The following WNT10B variants were observed in gnomAD, a reference collection of about 807,000 sequenced individuals.
WNT10B encodes the protein Wnt family member 10B, also known as protein Wnt-10b.
WNT10B carries 26 observed loss-of-function variants against 32.7 expected under a neutral mutation model. That is an observed-to-expected ratio of 0.79 (90% CI 0.58 to 1.10). The LOEUF is 1.10. Ranked by LOEUF, WNT10B falls within the 50% of genes least tolerant of loss-of-function variation. The pLI, the probability that WNT10B is intolerant of heterozygous loss-of-function variation, is 0.00. For missense variants in WNT10B, 474 were observed against 532.5 expected (o/e 0.89, Z 1.08); for synonymous variants, 204 against 220.4 (o/e 0.93, Z 0.66).
chr12:48,966,408 T>C lies in WNT10B; in HGVS notation c.857A>G (p.Asp286Gly). 1 of 1,614,002 alleles carries C rather than the reference T, an allele frequency of 6.2e-7. No homozygotes were observed. The highest frequency in any genetic ancestry group is 8.5e-7 in the Non-Finnish European group (1 of 1,180,034). ...GGCTCCAGAATTGCGGTTGTGGGTA[T>C]CAATGAAGATGGCCCGGCCCAGCCG... The part of the protein sequence containing the change: ...RERLGRAIFI[D>G]THNRNSGAFQ... The change falls in exon 5 of 5, where the codon GAT (aspartate) becomes GGT (glycine). Residue 286 changes from aspartate to glycine, a missense_variant. By Grantham distance (94) the Asp-to-Gly change is moderately conservative. Transcript: ENST00000301061.
Position 48,965,926 on chromosome 12 carries a change from T to A in WNT10B, c.*169A>T. On this transcript the variant is annotated 3_prime_UTR_variant, in exon 5 of 5. Transcript: ENST00000301061. Reference sequence around the variant, plus strand: ...ACCCTCCAATTGTTGGGGAGAAGGCTACACATCCCAGAGTCCACCTGACCC... The same window carrying A: ...ACCCTCCAATTGTTGGGGAGAAGGCAACACATCCCAGAGTCCACCTGACCC... 1.3e-6 allele frequency: 1 copy of A among 752,854 alleles called. No homozygotes were observed. Among genetic ancestry groups the A allele is most frequent in the Non-Finnish European group, 2.2e-6 (1 of 461,966 alleles). The allele number at this position is 752,854 out of a possible 1,614,324, so 46.6% of individuals were successfully genotyped here.
Position 48,968,284 on chromosome 12 carries a change from C to T in WNT10B, c.373G>A (p.Ala125Thr). 1 of 1,604,618 alleles carries T rather than the reference C, an allele frequency of 6.2e-7. No individual in the cohort carries two copies. Among genetic ancestry groups the T allele is most frequent in the East Asian group, 2.2e-5 (1 of 44,892 alleles). Residue 125 changes from alanine (A) to threonine (T), a missense_variant, in exon 4 of 5, where the codon GCT becomes ACT. Transcript: ENST00000301061. ...RESAFSFSML[A>T]AGVMHAVATA... ...GCTACTGCGTGCATGACCCCAGCAGCCAGCATGGAGAAGGAAAAAGCACTT... is the reference window on the plus strand; with the variant it reads ...GCTACTGCGTGCATGACCCCAGCAGTCAGCATGGAGAAGGAAAAAGCACTT...
chr12:48,968,214 C>T lies in WNT10B; in HGVS notation c.443G>A (p.Trp148Ter), dbSNP rs761716986. 2.5e-6 allele frequency: 4 copies of T among 1,613,040 alleles called. No homozygotes were observed. In the Admixed American group the frequency reaches 6.7e-5, roughly 27 times the overall value. ...LGKLVSCGCG[W>*]KGSGEQDRLR... is the part of the protein sequence containing the mutation. ...CCGATCCTGCTCACCACTGCCCTTC[C>T]AGCCACAGCCACAGCTCACCAGCTT... The change falls in exon 4 of 5, where the codon TGG becomes TAG. Residue 148 changes from tryptophan (W) to a stop codon, truncating the protein, a stop_gained. Transcript: ENST00000301061. LOFTEE classifies it high-confidence loss of function.
In WNT10B at chr12:48,970,026, G is replaced by T; in HGVS notation, c.337+63C>A. ...AAACCATCCCTTCCCGCCTCCGCGC[G>T]CCTCGCCCTGCCGCCCACCCCCTAG... On this transcript the variant is annotated intron_variant, in intron 3 of 4. Coordinates refer to ENST00000301061, the MANE Select transcript of WNT10B (RefSeq NM_003394.4). The surrounding 1 kb of genome is among the most constrained non-coding windows in gnomAD (Gnocchi z 5.0). 1.4e-6 allele frequency: 2 copies of T among 1,389,572 alleles called. No individual in the cohort carries two copies. Among genetic ancestry groups the T allele is most frequent in the Non-Finnish European group, 1.9e-6 (2 of 1,078,964 alleles). The allele number at this position is 1,389,572 out of a possible 1,614,324, so 86.1% of individuals were successfully genotyped here.
rs781309038 is a variant in WNT10B at position 48,970,523 on chromosome 12, C to G, written c.7G>C (p.Glu3Gln). ...GGCGGAGGCCGCGGCCGGGGCTCCT[C>G]CAGCATGTCGAAGCCCGGAGGCTCC... ML[E>Q]EPRPRPPPSG... Residue 3 changes from glutamate to glutamine, a missense_variant, in exon 2 of 5, where the codon GAG becomes CAG. Physicochemically the swap from Glu to Gln is conservative, Grantham distance 29 (BLOSUM62 2). Coordinates refer to ENST00000301061, the MANE Select transcript of WNT10B (RefSeq NM_003394.4). This position sits in a 1 kb window ranked among gnomAD's most constrained non-coding sequence, Gnocchi z 5.0. 5 of 1,581,008 alleles carry G rather than the reference C, an allele frequency of 3.2e-6. No individual in the cohort carries two copies. The highest frequency in any genetic ancestry group is 4.3e-6 in the Non-Finnish European group (5 of 1,163,622).
rs1940727218 is a variant in WNT10B, at chr12:48,966,173, G to A, written c.1092C>T (p.Cys364=). ...AGCAGCACCAGTGGAAGCGGCAATGGCAGCGCTCAACTCGTGTCTGCCGGA... is the reference window on the plus strand; with the variant it reads ...AGCAGCACCAGTGGAAGCGGCAATGACAGCGCTCAACTCGTGTCTGCCGGA... ...NVLRQTRVER[C]HCRFHWCCYV... is the part of the protein sequence containing the mutation. Residue 364 remains cysteine (C), a synonymous_variant, in exon 5 of 5, where the codon TGC becomes TGT. Transcript: ENST00000301061. 6.2e-7 allele frequency: 1 copy of A among 1,613,564 alleles called. No individual in the cohort carries two copies. Among genetic ancestry groups the A allele is most frequent in the Non-Finnish European group, 8.5e-7 (1 of 1,179,910 alleles).
Position 48,966,063 on chromosome 12 carries a change from C to T in WNT10B, c.*32G>A. On this transcript the variant is annotated 3_prime_UTR_variant, in exon 5 of 5. Transcript: ENST00000301061. Reference sequence around the variant, plus strand: ...TGAAAAGGCGCCCCTCTCACACAGTCCTCTTCCCCAGCCCCAAGGTAAGGC... The same window carrying T: ...TGAAAAGGCGCCCCTCTCACACAGTTCTCTTCCCCAGCCCCAAGGTAAGGC... 6.2e-7 allele frequency: 1 copy of T among 1,612,318 alleles called. No homozygotes were observed. Among genetic ancestry groups the T allele is most frequent in the Non-Finnish European group, 8.5e-7 (1 of 1,179,508 alleles).
chr12:48,971,031 G>A (rs1030502325), intron 1 of WNT10B: 3 of 184,260 alleles, frequency 1.6e-5, no homozygotes, highest in Non-Finnish European at 3.5e-5. Context: ...AGGGCAAGTA[G>A]GCTCCATGAG....
chr12:48,966,384 G>C lies in WNT10B; in HGVS notation c.881C>G (p.Ala294Gly), dbSNP rs186175985. The change falls in exon 5 of 5, where the codon GCC (alanine) becomes GGC (glycine). Residue 294 changes from alanine (A) to glycine (G), a missense_variant. Transcript: ENST00000301061. ...FIDTHNRNSGAFQPRLRPRRL... is the reference protein window; with the variant it reads ...FIDTHNRNSGGFQPRLRPRRL... ...ACGGGGACGCAGACGGGGCTGGAAG[G>C]CTCCAGAATTGCGGTTGTGGGTATC... is the stretch of plus-strand genomic sequence containing the variant. The C allele has an allele frequency of 1.2e-5, 19 of 1,614,020 alleles. No individual in the cohort carries two copies. Among genetic ancestry groups the C allele is most frequent in the Middle Eastern group, 1.6e-4 (1 of 6,084 alleles).
Position 48,966,098 on chromosome 12 carries a change from C to T in WNT10B, c.1167G>A (p.Lys389=). 1 of 1,613,732 alleles carries T rather than the reference C, an allele frequency of 6.2e-7. No individual in the cohort carries two copies. The part of the protein sequence containing the change: ...CKVTEWVNVC[K] Reference sequence around the variant, plus strand: ...AGCCCCAAGGTAAGGCTGACCCTCACTTACACACATTCACCCACTCTGTAA... The same window carrying T: ...AGCCCCAAGGTAAGGCTGACCCTCATTTACACACATTCACCCACTCTGTAA... Residue 389 remains lysine, a synonymous_variant, in exon 5 of 5, where the codon AAG becomes AAA. Coordinates refer to ENST00000301061, the MANE Select transcript of WNT10B (RefSeq NM_003394.4).
chr12:48,966,075 C>T lies in WNT10B; in HGVS notation c.*20G>A, dbSNP rs1324135436. ...CCTCTCACACAGTCCTCTTCCCCAGCCCCAAGGTAAGGCTGACCCTCACTT... is the reference window on the plus strand; with the variant it reads ...CCTCTCACACAGTCCTCTTCCCCAGTCCCAAGGTAAGGCTGACCCTCACTT... On this transcript the variant is annotated 3_prime_UTR_variant, in exon 5 of 5. Transcript: ENST00000301061. 1.9e-6 allele frequency: 3 copies of T among 1,613,270 alleles called. No homozygotes were observed. Among genetic ancestry groups the T allele is most frequent in the Non-Finnish European group, 2.5e-6 (3 of 1,179,930 alleles).
In WNT10B at chr12:48,968,154, G is replaced by C; in HGVS notation, c.503C>G (p.Ser168Cys). The change falls in exon 4 of 5, where the codon TCC becomes TGC. Residue 168 changes from serine to cysteine, a missense_variant. Coordinates refer to ENST00000301061, the MANE Select transcript of WNT10B (RefSeq NM_003394.4). Reference sequence around the variant, plus strand: ...AGAGTGGGGGAAACTCTTGCCTCGGGACAGTGCCTGCAGCTGCAGCAGTTT... The same window carrying C: ...AGAGTGGGGGAAACTCTTGCCTCGGCACAGTGCCTGCAGCTGCAGCAGTTT... The part of the protein sequence containing the change: ...RAKLLQLQAL[S>C]RGKSFPHSLP... 1 of 1,614,224 alleles carries C rather than the reference G, an allele frequency of 6.2e-7. No homozygotes were observed. Among genetic ancestry groups the C allele is most frequent in the Non-Finnish European group, 8.5e-7 (1 of 1,180,044 alleles).
chr12:48,966,352 A>G lies in WNT10B; in HGVS notation c.913T>C (p.Ser305Pro), dbSNP rs750046021. The change falls in exon 5 of 5, where the codon TCA (serine) becomes CCA (proline). Residue 305 changes from serine (S) to proline (P), a missense_variant. Coordinates refer to ENST00000301061, the MANE Select transcript of WNT10B (RefSeq NM_003394.4). ...TTCTCAAAGTAGACCAGCTCTCCTG[A>G]GAGGCGACGGGGACGCAGACGGGGC... is the stretch of plus-strand genomic sequence containing the variant. ...FQPRLRPRRL[S>P]GELVYFEKSP... The G allele has an allele frequency of 6.8e-6, 11 of 1,614,064 alleles. No homozygotes were observed. Among genetic ancestry groups the G allele is most frequent in the Non-Finnish European group, 9.3e-6 (11 of 1,180,030 alleles).
intron 4 of WNT10B, among the ~76,000 whole-genome samples, chr12:48,967,108 A>C (rs906451545): frequency 4.6e-5 from 7 of 151,306 alleles, no homozygotes; most frequent in Admixed American, 2.0e-4. Flanking sequence ...CTCCTGCCTC[A>C]GCCTACTGAG....
intron 4 of WNT10B, among the ~76,000 whole-genome samples, chr12:48,966,757 T>C (rs1449996595): frequency 6.6e-6 from 1 of 152,150 alleles, no homozygotes; most frequent in Non-Finnish European, 1.5e-5. Flanking sequence ...GACAGAGCAG[T>C]GTGATTTGTC....
Position 48,966,019 on chromosome 12 carries a change from G to A in WNT10B, c.*76C>T, listed in dbSNP as rs1592249388. On this transcript the variant is annotated 3_prime_UTR_variant, in exon 5 of 5. Transcript: ENST00000301061. ...CCAGGGACCAAGAGTGACCTTGGAA[G>A]GAAATCAGAGCAAAGGGCTGAAAAG... 2 of 1,560,314 alleles carry A rather than the reference G, an allele frequency of 1.3e-6. No individual in the cohort carries two copies. The highest frequency in any genetic ancestry group is 8.7e-7 in the Non-Finnish European group (1 of 1,143,548).
Position 48,970,521 on chromosome 12 carries a change from C to T in WNT10B, c.9G>A (p.Glu3=), listed in dbSNP as rs1373104113. The T allele has an allele frequency of 6.3e-7, 1 of 1,583,280 alleles. No individual in the cohort carries two copies. Among genetic ancestry groups the T allele is most frequent in the Non-Finnish European group, 8.6e-7 (1 of 1,164,788 alleles). Residue 3 remains glutamate, a synonymous_variant, in exon 2 of 5, where the codon GAG becomes GAA. Coordinates refer to ENST00000301061, the MANE Select transcript of WNT10B (RefSeq NM_003394.4). This position sits in a 1 kb window ranked among gnomAD's most constrained non-coding sequence, Gnocchi z 5.0. The stretch of plus-strand genomic sequence containing the variant: ...AGGGCGGAGGCCGCGGCCGGGGCTC[C>T]TCCAGCATGTCGAAGCCCGGAGGCT... ML[E]EPRPRPPPSG...
chr12:48,968,487 G>A (rs565424536), intron 3 of WNT10B, among the ~76,000 whole-genome samples, 168 bp from the exon 4 acceptor site: 1 of 152,314 alleles, frequency 6.6e-6, no homozygotes, highest in South Asian at 2.1e-4. Context: ...GGACAAGGAA[G>A]GGTACAAAAA....
chr12:48,970,324 C>G lies in WNT10B; in HGVS notation c.102G>C (p.Leu34=), dbSNP rs1266017633. ...TCAGCGGCGGCTCGCCAGGCAACTT[C>G]AGGCCCAGAATCTCATTGCTTAGAG... The part of the protein sequence containing the change: ...SRALSNEILG[L]KLPGEPPLTA... Residue 34 remains leucine (L), a synonymous_variant, in exon 3 of 5, where the codon CTG becomes CTC. Coordinates refer to ENST00000301061, the MANE Select transcript of WNT10B (RefSeq NM_003394.4). The surrounding 1 kb of genome is among the most constrained non-coding windows in gnomAD (Gnocchi z 5.0). 6.2e-7 allele frequency: 1 copy of G among 1,613,890 alleles called. No individual in the cohort carries two copies. Among genetic ancestry groups the G allele is most frequent in the East Asian group, 2.2e-5 (1 of 44,876 alleles).
Sources: allele counts gnomAD v4.1 joint callset (sites outside exome capture counted in the v4.1 genomes callset), GRCh38; gene constraint gnomAD v4.1.1; non-coding constraint Gnocchi (gnomAD v3.1); transcripts MANE v1.5; gene names NCBI Gene and HGNC (gene_info 2026-07-23, HGNC 2026-07-21).